The following PCDH15 variants were observed in gnomAD, a reference collection of about 807,000 sequenced individuals.
PCDH15 encodes the protein protocadherin related 15.
PCDH15 carries 129 observed loss-of-function variants against 178.5 expected under a neutral mutation model. The ratio of observed to expected loss-of-function variants is 0.72; its 90% CI spans 0.63 to 0.84. PCDH15 has a LOEUF of 0.84. PCDH15 is among the 40% of genes least tolerant of loss of function. The pLI, the probability that PCDH15 is intolerant of heterozygous loss-of-function variation, is 0.00. For synonymous variants in PCDH15, 800 were observed against 732.0 expected (o/e 1.09, Z -1.50); for missense variants, 2,230 against 2,099.9 (o/e 1.06, Z -1.21).
intron 2 of PCDH15, among the ~76,000 whole-genome samples, chr10:54,949,593 C>T (rs1838281491): frequency 1.3e-5 from 2 of 152,054 alleles, no homozygotes; most frequent in African/African-American, 4.8e-5. Flanking sequence ...ATCGCATAGT[C>T]AAGATGCAAA....
chr10:54,942,915 C>T (rs974261885), intron 2 of PCDH15, among the ~76,000 whole-genome samples: 23 of 152,000 alleles, frequency 1.5e-4, no homozygotes, highest in African/African-American at 5.5e-4. Context: ...TACTTTATGG[C>T]AATGCATAAT....
At position 55,466,011 on chromosome 10, in the gene PCDH15, C is replaced by G. The variant is rs546166651; in HGVS notation, c.-156+161614G>C. On this transcript the variant is annotated intron_variant, in intron 2 of 5. Coordinates refer to the PCDH15 transcript ENST00000613346. ...TTCATTGTATACATTTATTACATGC[C>G]TACTGTGAGCTCTGCCTTTCCTTAG... Among the ~76,000 whole-genome samples, 157 of 152,216 alleles carry G rather than the reference C, an allele frequency of 1.0e-3. 1 individual carries two copies. The highest frequency in any genetic ancestry group is 3.7e-3 in the African/African-American group (155 of 41,522).
In PCDH15 at chr10:55,610,469, C is replaced by A. The variant is rs147910873; in HGVS notation, c.-156+17156G>T. Among the ~76,000 whole-genome samples, 894 of 152,088 alleles carry A rather than the reference C, an allele frequency of 5.9e-3. 4 individuals are homozygous for A. The highest frequency in any genetic ancestry group is 0.014 in the Middle Eastern group (4 of 294). ...TTTTTATCTCACTTTAACTTCCAAT[C>A]TCGGTTACAAAGAGTGTTAAAACTG... On this transcript the variant is annotated intron_variant, in intron 2 of 5. Coordinates refer to the PCDH15 transcript ENST00000613346.
At chr10:55,013,559 T>G (rs571093822) in intron 2 of PCDH15, among the ~76,000 whole-genome samples, 1 of 152,262 alleles carries the variant, frequency 6.6e-6, no homozygotes, top group South Asian at 2.1e-4. Flanking sequence ...CTTAGTAAAC[T>G]GCAGTACCTA....
intron 21 of PCDH15, among the ~76,000 whole-genome samples, chr10:53,971,928 G>T (rs1264225548): frequency 1.3e-5 from 2 of 150,164 alleles, no homozygotes; most frequent in Non-Finnish European, 3.0e-5. Context: ...CACAGAATTG[G>T]AAAAAACTAC....
At chr10:55,341,794 TATATATATATA>T (rs1282250863) in intron 2 of PCDH15, among the ~76,000 whole-genome samples, 35 of 13,174 alleles carry the variant, frequency 2.7e-3, no homozygotes, top group African/African-American at 7.6e-3. Context: ...TATATATATA[TATATATATATA>T]TTTTTTTTTT....
upstream of PCDH15, among the ~76,000 whole-genome samples, chr10:55,321,247 T>C (rs887258533): frequency 6.6e-6 from 1 of 152,110 alleles, no homozygotes; most frequent in African/African-American, 2.4e-5. Context: ...ATGAGGAAAG[T>C]ATCTCAGAGC....
At chr10:54,841,076 C>G (rs891741448) in intron 3 of PCDH15, among the ~76,000 whole-genome samples, 1 of 151,768 alleles carries the variant, frequency 6.6e-6, no homozygotes. Context: ...TGAGCTAACA[C>G]ACATGCACAG....
chr10:55,522,402 T>G (rs917452969), intron 2 of PCDH15, among the ~76,000 whole-genome samples: 1 of 151,838 alleles, frequency 6.6e-6, no homozygotes, highest in Admixed American at 6.6e-5. Context: ...TATCCATTGA[T>G]GAAAGTGGGG....
At chr10:54,131,619 T>G (rs1009073271) in intron 15 of PCDH15, among the ~76,000 whole-genome samples, 23 of 152,168 alleles carry the variant, frequency 1.5e-4, no homozygotes, top group Admixed American at 1.5e-3. Context: ...TAAAGCAAAC[T>G]TTCTCTAAGT....
chr10:54,725,426 C>T (rs1942336175), intron 1 of PCDH15, among the ~76,000 whole-genome samples: 1 of 145,072 alleles, frequency 6.9e-6, no homozygotes, highest in Non-Finnish European at 1.5e-5. Context: ...CCAGTAATCC[C>T]AGCAATTTGG....
chr10:54,179,543 C>T (rs1003034709), intron 13 of PCDH15, among the ~76,000 whole-genome samples: 23 of 151,692 alleles, frequency 1.5e-4, no homozygotes, highest in African/African-American at 5.3e-4. Flanking sequence ...ACATTGTGCA[C>T]ATGTACCCTA....
chr10:55,522,274 C>T (rs988943042), intron 2 of PCDH15, among the ~76,000 whole-genome samples: 3 of 151,846 alleles, frequency 2.0e-5, no homozygotes, highest in East Asian at 1.9e-4. Flanking sequence ...GGTTTTAATT[C>T]GCATTTCCTT....
chr10:53,992,132 C>T lies in PCDH15; in HGVS notation c.2868+3517G>A, dbSNP rs920528556. Among the ~76,000 whole-genome samples, 23 of 152,114 alleles carry T rather than the reference C, an allele frequency of 1.5e-4. 1 individual carries two copies. Among genetic ancestry groups the T allele is most frequent in the Admixed American group, 6.5e-5 (1 of 15,274 alleles). Reference sequence around the variant, plus strand: ...TGAACCCACTGGGAGGAATGAGCAACTCTGGACGGGAGGAAGGAACAACTC... The same window carrying T: ...TGAACCCACTGGGAGGAATGAGCAATTCTGGACGGGAGGAAGGAACAACTC... On this transcript the variant is annotated intron_variant, in intron 21 of 37. Coordinates refer to ENST00000644397, the MANE Select transcript of PCDH15 (RefSeq NM_001384140.1).
chr10:55,508,839 T>TTG (rs1234131942), intron 2 of PCDH15, among the ~76,000 whole-genome samples: 2 of 151,772 alleles, frequency 1.3e-5, no homozygotes, highest in East Asian at 1.9e-4. Flanking sequence ...TTGTATTGTA[T>TTG]TATGTGATCA....
At position 54,132,863 on chromosome 10, in the gene PCDH15, C is replaced by CACA; in HGVS notation, c.1917+11_1917+12insTGT. ...TATACACACACACACACACACACAC[C>CACA]AAGGAACATACCTGTAGATTTAATA... On this transcript the variant is annotated intron_variant, in intron 15 of 37. Transcript: ENST00000644397. 1 of 1,568,082 alleles carries CACA rather than the reference C, an allele frequency of 6.4e-7. No individual in the cohort carries two copies. The highest frequency in any genetic ancestry group is 8.7e-7 in the Non-Finnish European group (1 of 1,154,120).
intron 3 of PCDH15, among the ~76,000 whole-genome samples, chr10:54,414,359 C>A (rs979045730): frequency 7.9e-5 from 12 of 152,080 alleles, no homozygotes; most frequent in African/African-American, 2.6e-4. Flanking sequence ...GGGTTTTGGA[C>A]CTGGCATGTT....
chr10:54,338,803 C>T (rs1941688403), intron 6 of PCDH15, among the ~76,000 whole-genome samples: 1 of 151,986 alleles, frequency 6.6e-6, no homozygotes, highest in Middle Eastern at 3.2e-3. Context: ...TCATCAGTCT[C>T]CTCCTTATCA....
chr10:53,897,752 G>A (rs1170300564), intron 26 of PCDH15, among the ~76,000 whole-genome samples: 1 of 152,022 alleles, frequency 6.6e-6, no homozygotes, highest in Non-Finnish European at 1.5e-5. Flanking sequence ...CTGTCTTTAT[G>A]AATTTGCCTA....
Sources: gnomAD v4.1 joint callset for allele counts (sites outside exome capture counted in the v4.1 genomes callset) on GRCh38, gnomAD v4.1.1 for gene constraint, MANE v1.5 for transcripts, NCBI Gene and HGNC (gene_info 2026-07-23, HGNC 2026-07-21) for gene names.